The following WHRN variants were observed in gnomAD, a reference collection of about 807,000 sequenced individuals.
The protein encoded by WHRN is CASK-interacting protein CIP98.
A neutral mutation model predicts 68.3 loss-of-function variants in WHRN; 41 were observed. The ratio of observed to expected loss-of-function variants is 0.60; its 90% CI spans 0.47 to 0.78. The LOEUF (loss-of-function observed/expected upper bound fraction) is 0.78. Among genes scored for constraint, WHRN ranks in the 30% least tolerant of loss-of-function variants. The pLI, the probability that WHRN is intolerant of heterozygous loss-of-function variation, is 0.00. For synonymous variants in WHRN, 560 were observed against 561.3 expected (o/e 1.00, Z 0.03); for missense variants, 1,243 against 1,244.7 (o/e 1.00, Z 0.02).
chr9:114,489,037 G>C (rs1842756429), intron 1 of WHRN, among the ~76,000 whole-genome samples: 1 of 152,140 alleles, frequency 6.6e-6, no homozygotes, highest in Non-Finnish European at 1.5e-5. Flanking sequence ...CCTGCCACCT[G>C]AGCTGTCTTA....
intron 1 of WHRN, among the ~76,000 whole-genome samples, chr9:114,481,296 T>C (rs1012821207): frequency 1.3e-5 from 2 of 152,220 alleles, no homozygotes; most frequent in Admixed American, 6.5e-5. Context: ...CAGTCTCCAG[T>C]GGAGGGATAA....
chr9:114,485,586 G>A (rs1842414408), intron 1 of WHRN, among the ~76,000 whole-genome samples: 2 of 152,192 alleles, frequency 1.3e-5, no homozygotes, highest in Non-Finnish European at 2.9e-5. Context: ...CAGCTACTCA[G>A]GAGGCTGAGG....
intron 3 of WHRN, among the ~76,000 whole-genome samples, chr9:114,457,906 A>C (rs1839940501): frequency 2.0e-5 from 2 of 100,276 alleles, no homozygotes; most frequent in African/African-American, 7.6e-5. Flanking sequence ...ACAGAGCCAG[A>C]CTCTGTTCAA....
At chr9:114,498,474 A>G (rs1843647148) in intron 1 of WHRN, among the ~76,000 whole-genome samples, 2 of 152,140 alleles carry the variant, frequency 1.3e-5, no homozygotes, top group African/African-American at 2.4e-5. Context: ...TGTCCTATTC[A>G]TCTCTGATGT....
chr9:114,491,172 T>A (rs1202992405), intron 1 of WHRN, among the ~76,000 whole-genome samples: 1 of 152,198 alleles, frequency 6.6e-6, no homozygotes, highest in East Asian at 1.9e-4. Context: ...ATTCCATGAA[T>A]AGATACGTTG....
chr9:114,423,497 G>A lies in WHRN; in HGVS notation c.1443C>T (p.Gly481=). ...AKFSLLSEVR[G]TISPQDLERF... is the part of the protein sequence containing the mutation. ...GTTCTAGGTCTTGCGGGGAAATGGT[G>A]CCTCTCACCTCAGAGAGGAGTGAGA... The change falls in exon 7 of 12, where the codon GGC becomes GGT. Residue 481 remains glycine (G), a synonymous_variant. Coordinates refer to ENST00000362057, the MANE Select transcript of WHRN (RefSeq NM_015404.4). The A allele has an allele frequency of 6.2e-7, 1 of 1,611,898 alleles. No individual in the cohort carries two copies. Among genetic ancestry groups the A allele is most frequent in the Non-Finnish European group, 8.5e-7 (1 of 1,178,198 alleles).
At chr9:114,471,476 GC>G (rs1168219239) in intron 2 of WHRN, among the ~76,000 whole-genome samples, 2 of 152,248 alleles carry the variant, frequency 1.3e-5, no homozygotes, top group East Asian at 3.9e-4. Flanking sequence ...CCTCTCACCG[GC>G]CTGAGTTCAA....
intron 3 of WHRN, among the ~76,000 whole-genome samples, chr9:114,458,942 T>C (rs376364086): frequency 1.3e-5 from 2 of 152,172 alleles, no homozygotes; most frequent in African/African-American, 4.8e-5. Context: ...GTAGGTGCCA[T>C]ACCATCCTTC....
chr9:114,504,057 TAAAAAA>T, intron 1 of WHRN, 121 bp downstream of exon 1: 1 of 1,048,734 alleles, frequency 9.5e-7, no homozygotes. Context: ...TTTAAAGTAT[TAAAAAA>T]AAAAAAAAAG....
chr9:114,425,059 T>G (rs757837176), intron 4 of WHRN, 35 bp from the exon 5 acceptor site: 2 of 1,612,756 alleles, frequency 1.2e-6, no homozygotes, highest in Non-Finnish European at 1.7e-6. Flanking sequence ...AGTTGTGCAT[T>G]TGAGCAGATC....
chr9:114,483,239 T>C (rs898755680), intron 1 of WHRN, among the ~76,000 whole-genome samples: 1 of 152,200 alleles, frequency 6.6e-6, no homozygotes. Flanking sequence ...ACTTTCAATA[T>C]CTACGCAGGC....
intron 7 of WHRN, among the ~76,000 whole-genome samples, chr9:114,420,272 C>T (rs115778037): frequency 0.011 from 1,620 of 152,038 alleles, 33 homozygotes; most frequent in African/African-American, 0.037. Flanking sequence ...GGAAAGACCC[C>T]ACTGCCATGA....
chr9:114,409,594 G>A (rs1428204047), intron 7 of WHRN, among the ~76,000 whole-genome samples: 3 of 152,094 alleles, frequency 2.0e-5, no homozygotes, highest in African/African-American at 7.2e-5. Flanking sequence ...TGGAGATGTG[G>A]TCAAGTTTGC....
chr9:114,478,507 G>A (rs1478354794), intron 2 of WHRN, 46 bp downstream of exon 2: 2 of 1,603,614 alleles, frequency 1.2e-6, no homozygotes, highest in Admixed American at 1.7e-5. Flanking sequence ...TTCGGAGGGA[G>A]AATACGGTGT....
chr9:114,494,573 G>T (rs1843285994), intron 1 of WHRN, among the ~76,000 whole-genome samples: 1 of 152,224 alleles, frequency 6.6e-6, no homozygotes, highest in African/African-American at 2.4e-5. Context: ...CGGAGCTCAG[G>T]CTCGAGCACT....
intron 7 of WHRN, among the ~76,000 whole-genome samples, chr9:114,416,194 C>A (rs1026966380): frequency 4.6e-5 from 7 of 152,226 alleles, no homozygotes; most frequent in Non-Finnish European, 7.4e-5. Flanking sequence ...TATGACAGGG[C>A]TGGAGCACAA....
chr9:114,450,319 G>C (rs1839209375), intron 3 of WHRN, among the ~76,000 whole-genome samples: 1 of 152,214 alleles, frequency 6.6e-6, no homozygotes, highest in African/African-American at 2.4e-5. Flanking sequence ...TGGGGCCAGG[G>C]CTGGAGTGCC....
intron 1 of WHRN, among the ~76,000 whole-genome samples, chr9:114,501,796 A>T (rs1218144762): frequency 6.6e-6 from 1 of 152,218 alleles, no homozygotes; most frequent in Non-Finnish European, 1.5e-5. Context: ...TTTACCATAA[A>T]ATCCCCGACA....
intron 10 of WHRN, 85 bp downstream of exon 10, chr9:114,403,811 C>T: frequency 6.5e-7 from 1 of 1,540,086 alleles, no homozygotes; most frequent in South Asian, 1.1e-5. Context: ...ACTTGCCAAG[C>T]TGAGCCCTGG....
Sources: gnomAD v4.1 joint callset for allele counts (sites outside exome capture counted in the v4.1 genomes callset) on GRCh38, gnomAD v4.1.1 for gene constraint, MANE v1.5 for transcripts, NCBI Gene and HGNC (gene_info 2026-07-23, HGNC 2026-07-21) for gene names.